Variants in PKP4 observed in about 807,000 individuals in gnomAD.
PKP4 encodes plakophilin-4.
PKP4 carries 90 observed loss-of-function variants against 145.1 expected under a neutral mutation model. The observed-to-expected ratio is 0.62, with a 90% CI of 0.52 to 0.74. PKP4 has a LOEUF of 0.74. Among genes scored for constraint, PKP4 ranks in the 30% least tolerant of loss-of-function variants. The pLI, the probability that PKP4 is intolerant of heterozygous loss-of-function variation, is 0.00. For synonymous variants in PKP4, 563 were observed against 577.2 expected (o/e 0.98, Z 0.35); for missense variants, 1,340 against 1,482.7 (o/e 0.90, Z 1.58).
intron 16 of PKP4, among the ~76,000 whole-genome samples, chr2:158,668,250 T>TC (rs2057280911): frequency 6.6e-6 from 1 of 151,990 alleles, no homozygotes; most frequent in Non-Finnish European, 1.5e-5. Flanking sequence ...ATTCCCGTCT[T>TC]CCTGTGAGAT....
intron 1 of PKP4, among the ~76,000 whole-genome samples, chr2:158,528,734 T>C (rs1238878879): frequency 1.6e-5 from 2 of 124,886 alleles, no homozygotes; most frequent in African/African-American, 3.0e-5. Context: ...TGGGATAAAA[T>C]GAGAACACAG....
intron 6 of PKP4, among the ~76,000 whole-genome samples, chr2:158,622,480 T>G (rs947706432): frequency 6.6e-6 from 1 of 152,098 alleles, no homozygotes; most frequent in Non-Finnish European, 1.5e-5. Context: ...CCCCAGTGCT[T>G]TCTTTAGAGC....
intron 11 of PKP4, among the ~76,000 whole-genome samples, chr2:158,654,910 A>G (rs1259195827): frequency 1.3e-5 from 2 of 152,208 alleles, no homozygotes; most frequent in Non-Finnish European, 2.9e-5. Context: ...CACACAACAT[A>G]TATATAAAAG....
intron 2 of PKP4, among the ~76,000 whole-genome samples, chr2:158,540,541 C>T (rs576410863): frequency 6.6e-6 from 1 of 152,232 alleles, no homozygotes; most frequent in African/African-American, 2.4e-5. Flanking sequence ...AGTTTCTACT[C>T]TCAGAAGAAT....
intron 6 of PKP4, among the ~76,000 whole-genome samples, chr2:158,623,299 G>A (rs2105896370): frequency 6.6e-6 from 1 of 152,160 alleles, no homozygotes; most frequent in South Asian, 2.1e-4. Context: ...TCAGCCTCCT[G>A]GAGTAGCTAA....
chr2:158,485,293 C>T (rs4664964), intron 1 of PKP4, among the ~76,000 whole-genome samples: 101,788 of 152,100 alleles, frequency 0.67, 34,293 homozygotes, highest in South Asian at 0.83. Context: ...AACAACTCTA[C>T]AAGCCAATTA....
intron 2 of PKP4, among the ~76,000 whole-genome samples, chr2:158,575,762 G>A (rs1337133475): frequency 1.3e-5 from 2 of 151,704 alleles, no homozygotes; most frequent in African/African-American, 4.8e-5. Flanking sequence ...TGACAAGTGA[G>A]TAAATGAAGT....
intron 4 of PKP4, among the ~76,000 whole-genome samples, 156 bp from the exon 5 acceptor site, chr2:158,620,834 A>G (rs2052157035): frequency 6.6e-6 from 1 of 152,270 alleles, no homozygotes; most frequent in Admixed American, 6.5e-5. Context: ...GAACACATTC[A>G]TATAGTTAAG....
intron 1 of PKP4, among the ~76,000 whole-genome samples, chr2:158,498,806 T>C (rs1285513659): frequency 1.3e-5 from 2 of 148,280 alleles, no homozygotes; most frequent in Non-Finnish European, 1.5e-5. Context: ...ATTAGGTGGG[T>C]TGTGAGTGTT....
At chr2:158,560,159 G>C (rs1445420985) in intron 2 of PKP4, among the ~76,000 whole-genome samples, 2 of 152,140 alleles carry the variant, frequency 1.3e-5, no homozygotes, top group African/African-American at 2.4e-5. Context: ...GAGCCACCGT[G>C]CCTGGCTGGC....
intron 3 of PKP4, among the ~76,000 whole-genome samples, chr2:158,577,936 T>A (rs2105784458): frequency 6.6e-6 from 1 of 152,344 alleles, no homozygotes; most frequent in South Asian, 2.1e-4. Flanking sequence ...TAAGTACCTC[T>A]TATGCTATTT....
rs535057654 is a variant in PKP4, at chr2:158,483,283, A to G, written c.-6+26065A>G. ...ATGCATTTTATTCAAAGACTCCCCA[A>G]TTTCTAATGCTTTTCTGGGAATGTT... On this transcript the variant is annotated intron_variant, in intron 1 of 21. Coordinates refer to ENST00000389759, the MANE Select transcript of PKP4 (RefSeq NM_003628.6). Among the ~76,000 whole-genome samples the G allele has an allele frequency of 2.6e-4, 39 of 150,850 alleles. No homozygotes were observed. In the South Asian group the frequency reaches 4.6e-3, roughly 18 times the overall value.
intron 7 of PKP4, among the ~76,000 whole-genome samples, chr2:158,626,335 G>C (rs2052782805): frequency 6.6e-6 from 1 of 152,138 alleles, no homozygotes; most frequent in Non-Finnish European, 1.5e-5. Flanking sequence ...CACTAACTAT[G>C]TCTTAAGAGC....
intron 1 of PKP4, among the ~76,000 whole-genome samples, chr2:158,497,336 C>T (rs1484454299): frequency 3.3e-5 from 5 of 152,146 alleles, no homozygotes; most frequent in African/African-American, 9.7e-5. Context: ...GAGTGGCCTG[C>T]CTTTTCCTCT....
At chr2:158,649,272 A>G (rs1574961732) in intron 11 of PKP4, among the ~76,000 whole-genome samples, 1 of 152,134 alleles carries the variant, frequency 6.6e-6, no homozygotes, top group African/African-American at 2.4e-5. Flanking sequence ...CCTGATGTCC[A>G]GGCTGGAGGT....
At chr2:158,500,397 A>G (rs1169315964) in intron 1 of PKP4, among the ~76,000 whole-genome samples, 2 of 152,240 alleles carry the variant, frequency 1.3e-5, no homozygotes, top group African/African-American at 4.8e-5. Context: ...TTTCATAAAC[A>G]TGTATAATAG....
chr2:158,488,222 A>T (rs992027023), intron 1 of PKP4, among the ~76,000 whole-genome samples: 5 of 152,220 alleles, frequency 3.3e-5, no homozygotes, highest in African/African-American at 1.2e-4. Context: ...AGATCTAGGT[A>T]GTGTATGAAA....
chr2:158,672,026 TG>T (rs1174105463), intron 17 of PKP4, among the ~76,000 whole-genome samples: 4 of 152,048 alleles, frequency 2.6e-5, no homozygotes, highest in African/African-American at 9.7e-5. Context: ...GGGAAGCCGG[TG>T]GGGCTGGAGC....
At chr2:158,564,196 A>G (rs191031058) in intron 2 of PKP4, among the ~76,000 whole-genome samples, 30 of 152,182 alleles carry the variant, frequency 2.0e-4, no homozygotes, top group Non-Finnish European at 3.4e-4. Flanking sequence ...AATCATACTG[A>G]TCTGCTGTGT....
Sources: gnomAD v4.1 joint callset for allele counts (sites outside exome capture counted in the v4.1 genomes callset) on GRCh38, gnomAD v4.1.1 for gene constraint, MANE v1.5 for transcripts, NCBI Gene and HGNC (gene_info 2026-07-23, HGNC 2026-07-21) for gene names.